The following EMP2 variants were observed in gnomAD, a reference collection of about 807,000 sequenced individuals.
The protein encoded by EMP2 is epithelial membrane protein 2.
A neutral mutation model predicts 13.7 loss-of-function variants in EMP2; 19 were observed. The observed-to-expected ratio is 1.38, with a 90% CI of 0.97 to 2.03. The LOEUF (loss-of-function observed/expected upper bound fraction) is 2.03. Ranked by LOEUF, EMP2 falls within the 30% of genes most tolerant of loss-of-function variation. EMP2 has a pLI of 0.00. For missense variants in EMP2, 253 were observed against 220.7 expected (o/e 1.15, Z -0.93); for synonymous variants, 97 against 84.7 (o/e 1.15, Z -0.80).
At chr16:10,557,021 G>A (rs953436932) in intron 1 of EMP2, among the ~76,000 whole-genome samples, 4 of 152,114 alleles carry the variant, frequency 2.6e-5, no homozygotes, top group African/African-American at 9.7e-5. Flanking sequence ...ATTCGCTAAG[G>A]TTGAGGGATG....
chr16:10,574,336 G>A (rs187532563), intron 1 of EMP2, among the ~76,000 whole-genome samples: 189 of 152,148 alleles, frequency 1.2e-3, no homozygotes, highest in African/African-American at 4.6e-3. Context: ...ACCTATCATT[G>A]GATATTCTAT....
chr16:10,553,361 A>G (rs2883429), intron 1 of EMP2, among the ~76,000 whole-genome samples: 64,723 of 152,056 alleles, frequency 0.43, 13,906 homozygotes, highest in East Asian at 0.46. Flanking sequence ...GTACCAGAGT[A>G]ACACTCTCTG....
intron 1 of EMP2, among the ~76,000 whole-genome samples, chr16:10,549,588 G>A (rs182327171): frequency 7.6e-4 from 116 of 152,178 alleles, no homozygotes; most frequent in Admixed American, 6.0e-3. Context: ...AATTTGTGAC[G>A]AGATAGTTAC....
chr16:10,558,242 G>C (rs145664695), intron 1 of EMP2, among the ~76,000 whole-genome samples: 1 of 152,012 alleles, frequency 6.6e-6, no homozygotes, highest in Non-Finnish European at 1.5e-5. Flanking sequence ...GCCCAGGCTG[G>C]TCTCAAACTC....
intron 1 of EMP2, among the ~76,000 whole-genome samples, chr16:10,549,643 A>G (rs1161058075): frequency 6.6e-6 from 1 of 152,042 alleles, no homozygotes; most frequent in African/African-American, 2.4e-5. Context: ...CATGTTTTGA[A>G]GTACAGTGCG....
intron 1 of EMP2, among the ~76,000 whole-genome samples, chr16:10,572,539 C>T (rs919882031): frequency 6.6e-6 from 1 of 152,118 alleles, no homozygotes. Flanking sequence ...CCGAGTCCAT[C>T]TTTGTTCACT....
intron 1 of EMP2, among the ~76,000 whole-genome samples, chr16:10,566,574 T>G (rs899447100): frequency 6.6e-6 from 1 of 152,174 alleles, no homozygotes; most frequent in African/African-American, 2.4e-5. Context: ...CTATCTAAAA[T>G]CACCCCAGCA....
intron 1 of EMP2, among the ~76,000 whole-genome samples, chr16:10,567,288 G>A (rs929830151): frequency 1.3e-5 from 2 of 152,192 alleles, no homozygotes; most frequent in Non-Finnish European, 2.9e-5. Flanking sequence ...GAGGGATGCT[G>A]TTTTCAAGAG....
In EMP2 at chr16:10,532,149, G is replaced by C. The variant is rs554856073; in HGVS notation, c.*756C>G. 3 of 154,830 alleles carry C rather than the reference G, an allele frequency of 1.9e-5. No homozygotes were observed. The highest frequency in any genetic ancestry group is 3.9e-4 in the East Asian group (2 of 5,160). 9.6% of individuals were successfully genotyped at this position (154,830 alleles called of 1,614,324 possible). On this transcript the variant is annotated 3_prime_UTR_variant, in exon 5 of 5. Coordinates refer to ENST00000359543, the MANE Select transcript of EMP2 (RefSeq NM_001424.6). Reference sequence around the variant, plus strand: ...GTTGCCCAGGGAGCGCGTTAGAAATGCAGATTCCCTGGCCCCATCCCTTGA... The same window carrying C: ...GTTGCCCAGGGAGCGCGTTAGAAATCCAGATTCCCTGGCCCCATCCCTTGA...
chr16:10,566,029 A>G (rs4780947), intron 1 of EMP2, among the ~76,000 whole-genome samples: 38,199 of 151,932 alleles, frequency 0.25, 5,523 homozygotes, highest in East Asian at 0.6. Flanking sequence ...AGAACACACC[A>G]CCCCCAGCCT....
rs554517413 is a variant in EMP2 at position 10,568,981 on chromosome 16, T to A, written c.-61+11568A>T. On this transcript the variant is annotated intron_variant, in intron 1 of 4. Coordinates refer to ENST00000359543, the MANE Select transcript of EMP2 (RefSeq NM_001424.6). ...TTTTGTATTTTTAGTAGAGATGGGG[T>A]TTCGCCATGTTGGCCAGGCTGGTCT... 1.7e-3 allele frequency among the ~76,000 whole-genome samples: 255 copies of A among 152,136 alleles called. 1 individual carries two copies. The highest frequency in any genetic ancestry group is 3.1e-3 in the Admixed American group (47 of 15,284).
At chr16:10,575,103 T>A (rs1435556424) in intron 1 of EMP2, among the ~76,000 whole-genome samples, 1 of 151,992 alleles carries the variant, frequency 6.6e-6, no homozygotes, top group Non-Finnish European at 1.5e-5. Context: ...TCTGAAACCA[T>A]CACTGCTTGG....
chr16:10,574,568 T>A (rs1276223691), intron 1 of EMP2, among the ~76,000 whole-genome samples: 3 of 152,050 alleles, frequency 2.0e-5, no homozygotes, highest in Non-Finnish European at 2.9e-5. Flanking sequence ...ATTATACATT[T>A]TTTTTTTTGA....
At chr16:10,543,704 G>A (rs1167584655) in intron 2 of EMP2, 44 bp from the exon 3 acceptor site, 3 of 1,587,938 alleles carry the variant, frequency 1.9e-6, no homozygotes, top group Non-Finnish European at 2.6e-6. Context: ...GTCCGTTCAT[G>A]ATGCAAACAC....
rs947933338 is a variant in EMP2 at position 10,529,896 on chromosome 16, A to G, written c.*3009T>C. 6.8e-6 allele frequency: 1 copy of G among 146,812 alleles called. No individual in the cohort carries two copies. The highest frequency in any genetic ancestry group is 1.5e-5 in the Non-Finnish European group (1 of 67,534). The allele number at this position is 146,812 out of a possible 1,614,324, so 9.1% of individuals were successfully genotyped here. On this transcript the variant is annotated 3_prime_UTR_variant, in exon 5 of 5. Coordinates refer to ENST00000359543, the MANE Select transcript of EMP2 (RefSeq NM_001424.6). ...CGGTGAGCCAAGATGGTGCCACTGC[A>G]CTCCAGCCTGGGCAACAAGAGCAAA...
chr16:10,576,425 T>C (rs2050984452), intron 1 of EMP2: 1 of 152,084 alleles, frequency 6.6e-6, no homozygotes, highest in South Asian at 2.1e-4. Context: ...GACTTTGCTA[T>C]TGGGAAAAAC....
intron 1 of EMP2, among the ~76,000 whole-genome samples, chr16:10,549,135 T>G (rs2050762436): frequency 6.6e-6 from 1 of 152,220 alleles, no homozygotes; most frequent in African/African-American, 2.4e-5. Flanking sequence ...ATATTATGAT[T>G]GGGGAATTAA....
In EMP2 at chr16:10,580,329, G is replaced by A. The variant is rs193178418; in HGVS notation, c.-61+220C>T. Among the ~76,000 whole-genome samples the A allele has an allele frequency of 2.1e-3, 314 of 152,330 alleles. 2 individuals are homozygous for A. Among genetic ancestry groups the A allele is most frequent in the African/African-American group, 7.2e-3 (298 of 41,584 alleles). The stretch of plus-strand genomic sequence containing the variant: ...TTCGGCTCAAAAGGCGTGGGAAGCT[G>A]TCCCGGGATGGCGAAGTGGAATTCT... On this transcript the variant is annotated intron_variant, in intron 1 of 4. Transcript: ENST00000359543. The surrounding 1 kb of genome is among the most constrained non-coding windows in gnomAD (Gnocchi z 4.3).
chr16:10,560,758 G>T (rs1225867516), intron 1 of EMP2, among the ~76,000 whole-genome samples: 2 of 152,296 alleles, frequency 1.3e-5, no homozygotes, highest in South Asian at 4.1e-4. Context: ...CTAAGGATGG[G>T]CGGAGTGGTG....
Sources: allele counts gnomAD v4.1 joint callset (sites outside exome capture counted in the v4.1 genomes callset), GRCh38; gene constraint gnomAD v4.1.1; non-coding constraint Gnocchi (gnomAD v3.1); transcripts MANE v1.5; gene names NCBI Gene and HGNC (gene_info 2026-07-23, HGNC 2026-07-21).